PCDHA7: variants seen among roughly 807,000 people sequenced by gnomAD.
The protein encoded by PCDHA7 is protocadherin alpha 7.
Under a neutral mutation model 57.2 loss-of-function variants are expected in PCDHA7, and 37 were observed. The observed-to-expected ratio is 0.65, with a 90% confidence interval of 0.50 to 0.85. The LOEUF (loss-of-function observed/expected upper bound fraction) is 0.85, where lower values mean the gene tolerates loss of function less well. Ranked by LOEUF, PCDHA7 falls within the 40% of genes least tolerant of loss-of-function variation. The pLI, the probability that PCDHA7 is intolerant of heterozygous loss-of-function variation, is 0.00. For synonymous variants in PCDHA7, 553 were observed against 558.8 expected, an observed-to-expected ratio of 0.99 and a Z score of 0.15; for missense variants, 1,188 against 1,241.8, an observed-to-expected ratio of 0.96 and a Z score of 0.65.
rs2150214747 is a variant in PCDHA7, at chr5:140,834,270, C to T, written c.-114C>T. Reference sequence around the variant, plus strand: ...TGGAAAGACGCTCCACTCTCTTTCACTCTTTGGATGCACAACAATGGCCAC... The same window carrying T: ...TGGAAAGACGCTCCACTCTCTTTCATTCTTTGGATGCACAACAATGGCCAC... On this transcript the variant is annotated 5_prime_UTR_variant, in exon 1 of 4. Transcript: ENST00000525929. The T allele has an allele frequency of 3.8e-6, 4 of 1,049,694 alleles. No individual in the cohort carries two copies. The highest frequency in any genetic ancestry group is 5.6e-6 in the Non-Finnish European group (4 of 713,590). The allele number at this position is 1,049,694 out of a possible 1,614,324, so 65.0% of individuals were successfully genotyped here.
intron 1 of PCDHA7, chr5:140,968,002 G>A: frequency 6.2e-7 from 1 of 1,614,208 alleles, no homozygotes; most frequent in South Asian, 1.1e-5. Flanking sequence ...CTTTCCGACT[G>A]AATGGCTTTG....
rs1202814862 is a variant in PCDHA7 at position 140,851,185 on chromosome 5, A to C, written c.2355+14447A>C. On this transcript the variant is annotated intron_variant, in intron 1 of 3. Transcript: ENST00000525929. ...ATGCTGCCATAACACTTGAAAACCA[A>C]TTTAGTTGTTAGTCATTCATTAAAC... The C allele has an allele frequency of 2.4e-6, 3 of 1,237,650 alleles. No individual in the cohort carries two copies. In the African/African-American group the frequency reaches 4.7e-5, roughly 19 times the overall value. The allele number at this position is 1,237,650 out of a possible 1,614,324, so 76.7% of individuals were successfully genotyped here.
intron 1 of PCDHA7, among the ~76,000 whole-genome samples, chr5:140,920,608 G>A (rs2153558027): frequency 6.6e-6 from 1 of 152,286 alleles, no homozygotes; most frequent in Non-Finnish European, 1.5e-5. Flanking sequence ...CACTTTGGGA[G>A]GCCGAGGCGG....
intron 1 of PCDHA7, chr5:140,875,349 C>G: frequency 6.9e-7 from 1 of 1,444,894 alleles, no homozygotes; most frequent in Non-Finnish European, 9.1e-7. Flanking sequence ...TCCATAATGA[C>G]TGTGATGCTG....
intron 1 of PCDHA7, chr5:140,967,929 G>C (rs1554230126): frequency 6.2e-7 from 1 of 1,614,214 alleles, no homozygotes; most frequent in Non-Finnish European, 8.5e-7. Flanking sequence ...GCCGTTCTCA[G>C]TGTCAATGAC....
intron 1 of PCDHA7, chr5:140,877,179 G>T (rs1554169418): frequency 1.2e-6 from 2 of 1,613,830 alleles, no homozygotes. Flanking sequence ...TGGCGACTCC[G>T]GCTGGCAGCG....
intron 1 of PCDHA7, chr5:140,856,875 T>A: frequency 1.9e-6 from 3 of 1,595,778 alleles, no homozygotes; most frequent in Non-Finnish European, 2.6e-6. Context: ...AACAAGGAAA[T>A]GATGTATTCA....
intron 1 of PCDHA7, chr5:140,968,736 A>G (rs1047961532): frequency 3.1e-6 from 5 of 1,614,098 alleles, no homozygotes; most frequent in East Asian, 2.2e-5. Context: ...AGCACTTTCA[A>G]CCTGACCGTG....
chr5:140,863,076 G>C (rs782126148), intron 1 of PCDHA7: 2 of 570,034 alleles, frequency 3.5e-6, no homozygotes, highest in South Asian at 2.7e-5. Context: ...GGCTCTGCAC[G>C]GGCGAGATCA....
intron 1 of PCDHA7, chr5:140,877,444 G>A (rs782552942): frequency 6.2e-7 from 1 of 1,613,864 alleles, no homozygotes; most frequent in South Asian, 1.1e-5. Context: ...CGGTGAGCCC[G>A]CGCTGACGTC....
rs2150263747 is a variant in PCDHA7 at position 140,836,549 on chromosome 5, G to T, written c.2166G>T (p.Arg722=). The T allele has an allele frequency of 1.2e-6, 2 of 1,613,770 alleles. No individual in the cohort carries two copies. The highest frequency in any genetic ancestry group is 2.2e-5 in the South Asian group (2 of 91,072). The change falls in exon 1 of 4, where the codon CGG becomes CGT. Residue 722 remains arginine (R), a synonymous_variant. Transcript: ENST00000525929. Reference sequence around the variant, plus strand: ...CCCTGCTGCTGTACACGGCGTTGCGGTGCTCAGCGCCGTCCTCTGAGGGCG... The same window carrying T: ...CCCTGCTGCTGTACACGGCGTTGCGTTGCTCAGCGCCGTCCTCTGAGGGCG... ...VLTLLLYTAL[R]CSAPSSEGAC... is the part of the protein sequence containing the mutation.
intron 1 of PCDHA7, chr5:140,852,361 T>A (rs1235352793): frequency 4.9e-6 from 1 of 205,518 alleles, no homozygotes; most frequent in East Asian, 1.9e-4. Context: ...CACTGCAACG[T>A]CTGCCTCCTG....
At chr5:140,966,707 A>T in intron 1 of PCDHA7, 2 of 1,379,868 alleles carry the variant, frequency 1.4e-6, no homozygotes, top group Non-Finnish European at 9.3e-7. Flanking sequence ...GGCGTGGGGC[A>T]CGGCTGGGGA....
Position 140,850,212 on chromosome 5 carries a change from A to C in PCDHA7, c.2355+13474A>C, listed in dbSNP as rs1411639882. 10 of 1,593,368 alleles carry C rather than the reference A, an allele frequency of 6.3e-6. No individual in the cohort carries two copies. Among genetic ancestry groups the C allele is most frequent in the Non-Finnish European group, 8.6e-6 (10 of 1,167,568 alleles). ...GCTGCTGACACCTCGGATGAGGGGC[A>C]CTGACGGCGCAGTGAGCGAGATGGT... On this transcript the variant is annotated intron_variant, in intron 1 of 3. Transcript: ENST00000525929.
chr5:140,968,574 T>A (rs2096256536), intron 1 of PCDHA7: 1 of 1,614,218 alleles, frequency 6.2e-7, no homozygotes, highest in Non-Finnish European at 8.5e-7. Flanking sequence ...GCTGGCTACC[T>A]GGTCACCAAA....
At chr5:140,913,523 T>G (rs2076374733) in intron 1 of PCDHA7, among the ~76,000 whole-genome samples, 2 of 152,156 alleles carry the variant, frequency 1.3e-5, no homozygotes, top group Admixed American at 6.5e-5. Context: ...TATTTATCTT[T>G]TCAAAAGATT....
At chr5:140,921,091 C>G (rs893367475) in intron 1 of PCDHA7, among the ~76,000 whole-genome samples, 1 of 152,022 alleles carries the variant, frequency 6.6e-6, no homozygotes, top group Admixed American at 6.5e-5. Flanking sequence ...GAGAATCCTC[C>G]TGCCTCAGTC....
At chr5:140,994,811 A>G (rs1283053490) in intron 3 of PCDHA7, among the ~76,000 whole-genome samples, 1 of 152,194 alleles carries the variant, frequency 6.6e-6, no homozygotes, top group Non-Finnish European at 1.5e-5. Context: ...ACAAAATACA[A>G]AAAACTGAAT....
chr5:140,924,824 G>T (rs782384284), intron 1 of PCDHA7, among the ~76,000 whole-genome samples: 5 of 151,742 alleles, frequency 3.3e-5, no homozygotes, highest in African/African-American at 4.8e-5. Context: ...GAACCTGGGA[G>T]GGGGAGGTTG....
Sources: allele counts gnomAD v4.1 joint callset (sites outside exome capture counted in the v4.1 genomes callset), GRCh38; gene constraint gnomAD v4.1.1; transcripts MANE v1.5; gene names NCBI Gene and HGNC (gene_info 2026-07-23, HGNC 2026-07-21).